Variants in P2RX4 observed in about 807,000 individuals in gnomAD.
P2RX4 encodes purinergic receptor P2X 4, also known as P2X purinoceptor 4.
Under a neutral mutation model 48.0 loss-of-function variants are expected in P2RX4, and 37 were observed. The ratio of observed to expected loss-of-function variants is 0.77; its 90% CI spans 0.59 to 1.01. P2RX4 has a LOEUF of 1.01. Ranked by LOEUF, P2RX4 falls within the 50% of genes least tolerant of loss-of-function variation. P2RX4 has a pLI of 0.00. For synonymous variants in P2RX4, 200 were observed against 199.7 expected, an observed-to-expected ratio of 1.00 and a Z score of -0.01; for missense variants, 501 against 521.4, an observed-to-expected ratio of 0.96 and a Z score of 0.38.
rs1027493801 is a variant in P2RX4 at position 121,233,540 on chromosome 12, G to A, written c.1158G>A (p.Leu386=). The A allele has an allele frequency of 3.1e-6, 5 of 1,608,764 alleles. No homozygotes were observed. The highest frequency in any genetic ancestry group is 1.3e-5 in the African/African-American group (1 of 74,804). ...EDYEQGLASE[L]DQ ...CTTTGCAGGGTCTTGCTAGTGAGCTGGACCAGTGAGGCCTACCCCACACCT... is the reference window on the plus strand; with the variant it reads ...CTTTGCAGGGTCTTGCTAGTGAGCTAGACCAGTGAGGCCTACCCCACACCT... The change falls in exon 12 of 12, where the codon CTG becomes CTA. Residue 386 remains leucine (L), a synonymous_variant. Transcript: ENST00000337233.
In P2RX4 at chr12:121,228,998, C is replaced by T; in HGVS notation, c.783C>T (p.Cys261=). The change falls in exon 8 of 12, where the codon TGC becomes TGT. Residue 261 remains cysteine, a synonymous_variant. Transcript: ENST00000337233. The part of the protein sequence containing the change: ...GIMGIQVNWD[C]NLDRAASLCL... Reference sequence around the variant, plus strand: ...TGGGCATCCAGGTCAACTGGGACTGCAACCTGGACAGAGCCGCCTCCCTCT... The same window carrying T: ...TGGGCATCCAGGTCAACTGGGACTGTAACCTGGACAGAGCCGCCTCCCTCT... 1 of 1,614,094 alleles carries T rather than the reference C, an allele frequency of 6.2e-7. No individual in the cohort carries two copies. The highest frequency in any genetic ancestry group is 8.5e-7 in the Non-Finnish European group (1 of 1,180,030).
At chr12:121,233,375 G>A (rs1414083391) in intron 11 of P2RX4, 148 bp from the exon 12 acceptor site, 3 of 784,958 alleles carry the variant, frequency 3.8e-6, no homozygotes, top group Non-Finnish European at 6.5e-6. Context: ...CACTACTTCA[G>A]TGCACCTTGC....
chr12:121,221,716 G>C (rs1886625307), intron 2 of P2RX4, among the ~76,000 whole-genome samples, 197 bp from the exon 3 acceptor site: 1 of 152,194 alleles, frequency 6.6e-6, no homozygotes, highest in South Asian at 2.1e-4. Context: ...TGGCTCTTGT[G>C]AAAAGTGTTG....
chr12:121,223,300 T>G (rs907026278), intron 5 of P2RX4: 2 of 435,312 alleles, frequency 4.6e-6, no homozygotes, highest in Non-Finnish European at 8.6e-6. Context: ...GGTCTCCAAC[T>G]CCTGACCTCA....
rs753123625 is a variant in P2RX4 at position 121,229,127 on chromosome 12, A to G, written c.884+28A>G. The G allele has an allele frequency of 6.2e-7, 1 of 1,613,832 alleles. No individual in the cohort carries two copies. The highest frequency in any genetic ancestry group is 8.5e-7 in the Non-Finnish European group (1 of 1,179,942). ...GGGCGTGAGCTTGGGCCCCTCGCTC[A>G]TGTTGTAGGGGGTGCTGGTGGCTGC... On this transcript the variant is annotated intron_variant, in intron 8 of 11. Transcript: ENST00000337233. This position sits in a 1 kb window ranked among gnomAD's most constrained non-coding sequence, Gnocchi z 4.6.
rs1330818002 is a variant in P2RX4 at position 121,232,591 on chromosome 12, C to A, written c.979-20C>A. ...CTGCCCCTGCAGAAACACTTTTTTT[C>A]TTTTTCGGTGTCTTGGCAGGCAGGG... On this transcript the variant is annotated intron_variant, in intron 9 of 11. Transcript: ENST00000337233. This position sits in a 1 kb window ranked among gnomAD's most constrained non-coding sequence, Gnocchi z 4.3. 1 of 1,613,476 alleles carries A rather than the reference C, an allele frequency of 6.2e-7. No homozygotes were observed. The highest frequency in any genetic ancestry group is 1.7e-5 in the Admixed American group (1 of 60,020).
At chr12:121,233,263 G>A in intron 11 of P2RX4, 171 bp downstream of exon 11, 2 of 640,876 alleles carry the variant, frequency 3.1e-6, no homozygotes, top group East Asian at 2.7e-5. Flanking sequence ...TCCATCCCTA[G>A]GCCCCTGTAC....
chr12:121,222,878 A>G, intron 4 of P2RX4, 69 bp from the exon 5 acceptor site: 1 of 1,425,062 alleles, frequency 7.0e-7, no homozygotes, highest in Non-Finnish European at 9.8e-7. Flanking sequence ...CTCACTCCCT[A>G]CTCCAAAAAG....
intron 2 of P2RX4, among the ~76,000 whole-genome samples, chr12:121,218,189 T>C (rs1886355235): frequency 6.6e-6 from 1 of 151,936 alleles, no homozygotes; most frequent in African/African-American, 2.4e-5. Flanking sequence ...TAATGAGCCA[T>C]AAAAGTCAGG....
At position 121,222,011 on chromosome 12, in the gene P2RX4, G is replaced by A. The variant is rs749524812; in HGVS notation, c.354+27G>A. On this transcript the variant is annotated intron_variant, in intron 3 of 11. Coordinates refer to ENST00000337233, the MANE Select transcript of P2RX4 (RefSeq NM_002560.3). Reference sequence around the variant, plus strand: ...TAGGAGGCCCCCGGGAAGAGCCCCAGGCCCCACACCCCTCTCCACGCCTGT... The same window carrying A: ...TAGGAGGCCCCCGGGAAGAGCCCCAAGCCCCACACCCCTCTCCACGCCTGT... The A allele has an allele frequency of 8.1e-6, 13 of 1,608,320 alleles. No homozygotes were observed. In the Admixed American group the frequency reaches 1.2e-4, roughly 14 times the overall value.
chr12:121,222,398 G>GTTTTTTTTT, intron 4 of P2RX4: 7 of 425,522 alleles, frequency 1.6e-5, no homozygotes, highest in Admixed American at 4.1e-5. Flanking sequence ...GTTTTTTCTT[G>GTTTTTTTTT]TTTTTTTTTT....
intron 5 of P2RX4, among the ~76,000 whole-genome samples, chr12:121,227,295 G>T (rs1159719128): frequency 1.3e-5 from 2 of 152,178 alleles, no homozygotes; most frequent in African/African-American, 4.8e-5. Context: ...CCCCACAGAA[G>T]GGTTAGCCAT....
At position 121,232,645 on chromosome 12, in the gene P2RX4, A is replaced by G. The variant is rs1437982220; in HGVS notation, c.1013A>G (p.Asn338Ser). The part of the protein sequence containing the change: ...GKFDIIPTMI[N>S]IGSGLALLGM... ...TTTGACATCATCCCCACTATGATCAACATCGGCTCTGGCCTGGCACTGCTA... is the reference window on the plus strand; with the variant it reads ...TTTGACATCATCCCCACTATGATCAGCATCGGCTCTGGCCTGGCACTGCTA... Residue 338 changes from asparagine (N) to serine (S), a missense_variant, in exon 10 of 12, where the codon AAC becomes AGC. Physicochemically the swap from Asn to Ser is conservative, Grantham distance 46. Coordinates refer to ENST00000337233, the MANE Select transcript of P2RX4 (RefSeq NM_002560.3). The surrounding 1 kb of genome is among the most constrained non-coding windows in gnomAD (Gnocchi z 4.3). 1.2e-6 allele frequency: 2 copies of G among 1,613,962 alleles called. No individual in the cohort carries two copies. The highest frequency in any genetic ancestry group is 1.7e-6 in the Non-Finnish European group (2 of 1,179,938).
At chr12:121,222,563 C>T in intron 4 of P2RX4, 1 of 455,052 alleles carries the variant, frequency 2.2e-6, no homozygotes, top group Non-Finnish European at 4.3e-6. Flanking sequence ...CAGGCATGCA[C>T]CACCACGCCC....
intron 5 of P2RX4, 106 bp from the exon 6 acceptor site, chr12:121,228,427 C>G (rs866186962): frequency 1.9e-6 from 1 of 526,350 alleles, no homozygotes; most frequent in Non-Finnish European, 3.3e-6. Flanking sequence ...CACACAGACA[C>G]ACACACACAA....
chr12:121,227,991 A>C (rs1671337584), intron 5 of P2RX4, among the ~76,000 whole-genome samples: 1 of 151,404 alleles, frequency 6.6e-6, no homozygotes, highest in Non-Finnish European at 1.5e-5. Context: ...GCTACTTGAG[A>C]GGCTGAGGTG....
chr12:121,221,468 G>A (rs969389439), intron 2 of P2RX4, among the ~76,000 whole-genome samples: 8 of 143,706 alleles, frequency 5.6e-5, no homozygotes, highest in Non-Finnish European at 9.1e-5. Flanking sequence ...ATGTCGGCTC[G>A]CTGCAACCTC....
Position 121,233,437 on chromosome 12 carries a change from CGGT to C in P2RX4, c.1141-84_1141-82del, listed in dbSNP as rs147311687. 2.5e-3 allele frequency: 3,565 copies of C among 1,421,996 alleles called. 76 individuals carry two copies. The African/African-American group carries it at 0.045, about 18-fold the overall frequency. 88.1% of individuals were successfully genotyped at this position (1,421,996 alleles called of 1,614,324 possible). On this transcript the variant is annotated intron_variant, in intron 11 of 11. Transcript: ENST00000337233. ...CTGGGACCAACTTGAGAACCCCTGG[CGGT>C]GAAGTCCCAGGAGCGCACCTCCCTC...
chr12:121,231,843 A>C (rs1296769054), intron 8 of P2RX4, among the ~76,000 whole-genome samples: 1 of 151,910 alleles, frequency 6.6e-6, no homozygotes, highest in Admixed American at 6.6e-5. Flanking sequence ...GTCTCTACTA[A>C]AAAATCCAAA....
Sources: gnomAD v4.1 joint callset for allele counts (sites outside exome capture counted in the v4.1 genomes callset) on GRCh38, gnomAD v4.1.1 for gene constraint, Gnocchi (gnomAD v3.1) non-coding constraint, MANE v1.5 for transcripts, NCBI Gene and HGNC (gene_info 2026-07-23, HGNC 2026-07-21) for gene names.